Variants in MED13 observed in about 807,000 individuals in gnomAD.
The protein encoded by MED13 is mediator of RNA polymerase II transcription subunit 13.
A neutral mutation model predicts 225.2 loss-of-function variants in MED13; 23 were observed. The observed-to-expected ratio is 0.10, with a 90% CI of 0.07 to 0.14. The LOEUF is 0.14. Among genes scored for constraint, MED13 ranks in the 10% least tolerant of loss-of-function variants. The pLI is 1.00. For missense variants in MED13, 2,197 were observed against 2,594.5 expected (o/e 0.85, Z 3.33); for synonymous variants, 942 against 889.2 (o/e 1.06, Z -1.06).
At chr17:62,046,765 A>C (rs930880758) in intron 3 of MED13, among the ~76,000 whole-genome samples, 8 of 152,086 alleles carry the variant, frequency 5.3e-5, no homozygotes, top group Non-Finnish European at 1.0e-4. Context: ...TGAGCCTGGC[A>C]GTTTGGGCTG....
chr17:61,949,127 T>C (rs2079875775), intron 28 of MED13, among the ~76,000 whole-genome samples: 2 of 152,112 alleles, frequency 1.3e-5, no homozygotes, highest in Admixed American at 1.3e-4. Flanking sequence ...TCTAAATTTG[T>C]TATTCTGGAA....
In MED13 at chr17:61,961,066, C is replaced by A; in HGVS notation, c.5281G>T (p.Ala1761Ser). The stretch of plus-strand genomic sequence containing the variant: ...ACTGGAGCCAGAATAAAAGGAGGTG[C>A]ATAAAGTCGAATACACTCTGGTCTC... ...PDRPECIRLY[A>S]PPFILAPVKD... The change falls in exon 23 of 30, where the codon GCA becomes TCA. Residue 1761 changes from alanine (A) to serine (S), a missense_variant. By Grantham distance (99) the Ala-to-Ser change is moderately conservative. This residue lies in a region of MED13 where 457 missense variants were observed against 442.2 expected (regional missense o/e 1.03). Coordinates refer to ENST00000397786, the MANE Select transcript of MED13 (RefSeq NM_005121.3). 6.2e-7 allele frequency: 1 copy of A among 1,613,712 alleles called. No individual in the cohort carries two copies. The highest frequency in any genetic ancestry group is 8.5e-7 in the Non-Finnish European group (1 of 1,179,866).
intron 9 of MED13, 79 bp downstream of exon 9, chr17:62,010,471 A>C: frequency 1.1e-6 from 1 of 874,588 alleles, no homozygotes; most frequent in Non-Finnish European, 1.6e-6. Context: ...CCTTGAATCC[A>C]ATACTGAGTC....
At chr17:61,988,485 G>C (rs1029414032) in intron 11 of MED13, among the ~76,000 whole-genome samples, 3 of 152,218 alleles carry the variant, frequency 2.0e-5, no homozygotes, top group Non-Finnish European at 4.4e-5. Context: ...TGTCTCTGGT[G>C]TGTCAGTTCT....
chr17:61,963,359 A>G (rs1012387232), intron 20 of MED13, among the ~76,000 whole-genome samples: 1 of 152,112 alleles, frequency 6.6e-6, no homozygotes, highest in African/African-American at 2.4e-5. Flanking sequence ...CAAATAGCTT[A>G]CCAAATTTAT....
At position 61,984,989 on chromosome 17, in the gene MED13, G is replaced by A. The variant is rs1193731076; in HGVS notation, c.2476+11C>T. 2 of 1,613,040 alleles carry A rather than the reference G, an allele frequency of 1.2e-6. No individual in the cohort carries two copies. Among genetic ancestry groups the A allele is most frequent in the East Asian group, 4.5e-5 (2 of 44,862 alleles). On this transcript the variant is annotated intron_variant, in intron 13 of 29. Transcript: ENST00000397786. ...GCAAATTTATCTCGAGCACAGATGA[G>A]GGAAGCTTACTTATGCAAGATAACG...
chr17:61,987,749 ATTTT>A (rs202173636), intron 11 of MED13, among the ~76,000 whole-genome samples: 5 of 151,322 alleles, frequency 3.3e-5, no homozygotes, highest in Non-Finnish European at 7.4e-5. Context: ...CATACTTGTA[ATTTT>A]TTTTTCTTTT....
At chr17:62,044,067 G>A (rs1228445146) in intron 3 of MED13, among the ~76,000 whole-genome samples, 4 of 151,868 alleles carry the variant, frequency 2.6e-5, no homozygotes, top group Non-Finnish European at 4.4e-5. Flanking sequence ...ACATCCTAAC[G>A]CTACTAATGG....
At chr17:62,030,385 T>C (rs576118124) in intron 6 of MED13, 16 of 159,498 alleles carry the variant, frequency 1.0e-4, no homozygotes, top group South Asian at 3.9e-4. Context: ...GGTCAGAGGC[T>C]GGCCAGAGGT....
chr17:61,964,920 A>C, intron 20 of MED13, 86 bp downstream of exon 20: 1 of 1,265,138 alleles, frequency 7.9e-7, no homozygotes, highest in Non-Finnish European at 1.1e-6. Flanking sequence ...TGCGCAAAAG[A>C]GTGAGACTGT....
chr17:62,006,341 CAA>C (rs1166993515), intron 9 of MED13: 1 of 141,592 alleles, frequency 7.1e-6, no homozygotes, highest in East Asian at 2.0e-4. Flanking sequence ...AGAAGAAAAA[CAA>C]AAGTGAGAAA....
chr17:62,035,051 G>A (rs1393928444), intron 4 of MED13, among the ~76,000 whole-genome samples: 1 of 152,086 alleles, frequency 6.6e-6, no homozygotes, highest in Non-Finnish European at 1.5e-5. Flanking sequence ...AATCCGGGAG[G>A]TGGAGGTTGC....
Position 61,967,597 on chromosome 17 carries a change from G to A in MED13, c.4191+438C>T, listed in dbSNP as rs1237529432. Among the ~76,000 whole-genome samples, 6 of 152,178 alleles carry A rather than the reference G, an allele frequency of 3.9e-5. 1 individual carries two copies. The highest frequency in any genetic ancestry group is 3.9e-4 in the Admixed American group (6 of 15,272). ...GTGAGAATTATAACTTAAAAGAAGA[G>A]GCAAGAATTTCAGACCTGAAATGGA... On this transcript the variant is annotated intron_variant, in intron 18 of 29. Transcript: ENST00000397786.
chr17:61,951,605 G>C (rs911066325), intron 27 of MED13, among the ~76,000 whole-genome samples: 1 of 152,078 alleles, frequency 6.6e-6, no homozygotes, highest in African/African-American at 2.4e-5. Context: ...TTTTGGGAAG[G>C]ACATAAATTA....
intron 3 of MED13, among the ~76,000 whole-genome samples, chr17:62,040,928 C>T (rs1228747193): frequency 1.3e-5 from 2 of 152,100 alleles, no homozygotes; most frequent in Admixed American, 6.6e-5. Context: ...TCTGCATTGC[C>T]TTTGGGAATG....
chr17:61,948,784 A>T (rs1477765990), intron 28 of MED13, among the ~76,000 whole-genome samples: 1 of 151,478 alleles, frequency 6.6e-6, no homozygotes, highest in Non-Finnish European at 1.5e-5. Flanking sequence ...CGGTGGTTTT[A>T]CATAAGAATA....
intron 23 of MED13, among the ~76,000 whole-genome samples, chr17:61,958,607 G>T (rs2079970370): frequency 6.6e-6 from 1 of 152,146 alleles, no homozygotes; most frequent in South Asian, 2.1e-4. Flanking sequence ...AAAGTGCTGG[G>T]ATTACAGGCG....
chr17:62,037,881 G>C (rs2080818218), intron 3 of MED13, among the ~76,000 whole-genome samples: 1 of 141,250 alleles, frequency 7.1e-6, no homozygotes, highest in African/African-American at 2.6e-5. Flanking sequence ...CTTGAACCCA[G>C]GGAGGCAGAG....
At chr17:61,961,532 A>G in intron 22 of MED13, 56 bp downstream of exon 22, 1 of 1,327,884 alleles carries the variant, frequency 7.5e-7, no homozygotes. Flanking sequence ...AAAAAAAAAA[A>G]AAAAAAAAAG....
Sources: gnomAD v4.1 joint callset for allele counts (sites outside exome capture counted in the v4.1 genomes callset) on GRCh38, gnomAD v4.1.1 for gene constraint, gnomAD v4.1.1 regional missense constraint, MANE v1.5 for transcripts, NCBI Gene and HGNC (gene_info 2026-07-23, HGNC 2026-07-21) for gene names.